Variants in LINS1 observed in about 807,000 individuals in gnomAD.
LINS1 encodes protein Lines homolog 1.
LINS1 carries 27 observed loss-of-function variants against 41.6 expected under a neutral mutation model. The observed-to-expected ratio is 0.65, with a 90% CI of 0.48 to 0.89. The LOEUF (loss-of-function observed/expected upper bound fraction) is 0.89. LINS1 is among the 40% of genes least tolerant of loss of function. The probability of loss-of-function intolerance (pLI) is 0.00; values close to 1 mark genes in which losing one functional copy is unlikely to be tolerated. For synonymous variants in LINS1, 336 were observed against 312.9 expected (o/e 1.07, Z -0.78); for missense variants, 955 against 884.1 (o/e 1.08, Z -1.02).
chr15:100,569,899 A>C lies in LINS1; in HGVS notation c.1613T>G (p.Phe538Cys). ...ATCAAAGTTATTGCAAATGGTGAAA[A>C]AATTATCCCAGTCCTTTTGCAGTAA... ...LKLLQKDWDN[F>C]FTICNNFDAT... Residue 538 changes from phenylalanine to cysteine, a missense_variant, in exon 7 of 7, where the codon TTT (phenylalanine) becomes TGT (cysteine). Coordinates refer to ENST00000314742, the MANE Select transcript of LINS1 (RefSeq NM_001040616.3). 6.2e-7 allele frequency: 1 copy of C among 1,612,478 alleles called. No homozygotes were observed. The highest frequency in any genetic ancestry group is 1.1e-5 in the South Asian group (1 of 90,772).
rs201677311 is a variant in LINS1 at position 100,571,941 on chromosome 15, C to T, written c.1347G>A (p.Met449Ile). 8.7e-6 allele frequency: 14 copies of T among 1,614,114 alleles called. 1 individual carries two copies. In the African/African-American group the frequency reaches 1.6e-4, roughly 18 times the overall value. ...CCAGTGATGCCTTGGCAGCCTCCAG[C>T]ATGTCATCGTCTTGTTCTATGAAAA... ...SRVFIEQDDD[M>I]LEAAKASLGI... The change falls in exon 6 of 7, where the codon ATG (methionine) becomes ATA (isoleucine). Residue 449 changes from methionine to isoleucine, a missense_variant. By Grantham distance (10) the Met-to-Ile change is conservative. Coordinates refer to ENST00000314742, the MANE Select transcript of LINS1 (RefSeq NM_001040616.3).
intron 1 of LINS1, among the ~76,000 whole-genome samples, chr15:100,593,569 G>T (rs917388428): frequency 1.5e-5 from 2 of 136,822 alleles, no homozygotes; most frequent in African/African-American, 5.2e-5. Context: ...TGGGGGGGGG[G>T]GGTGCTTAAT....
chr15:100,579,140 G>A (rs868151505), intron 3 of LINS1, among the ~76,000 whole-genome samples: 11 of 151,756 alleles, frequency 7.2e-5, no homozygotes, highest in South Asian at 4.2e-4. Context: ...AAACCTGCAC[G>A]TTGTGCACAT....
chr15:100,597,005 T>C (rs2039277909), intron 1 of LINS1: 1 of 152,216 alleles, frequency 6.6e-6, no homozygotes, highest in African/African-American at 2.4e-5. Context: ...GGAAACCCTC[T>C]CCTTTCATCA....
intron 1 of LINS1, among the ~76,000 whole-genome samples, chr15:100,583,050 T>C (rs1273949942): frequency 6.6e-6 from 1 of 151,978 alleles, no homozygotes; most frequent in Admixed American, 6.6e-5. Context: ...ACCAGCCTAG[T>C]CTTGGTCTTA....
chr15:100,572,025 TAAG>T lies in LINS1; in HGVS notation c.1260_1262del (p.Phe420del), dbSNP rs1225358973. 3 of 1,614,206 alleles carry T rather than the reference TAAG, an allele frequency of 1.9e-6. No individual in the cohort carries two copies. The highest frequency in any genetic ancestry group is 1.1e-5 in the South Asian group (1 of 91,080). On this transcript the variant is annotated inframe_deletion, in exon 6 of 7. Coordinates refer to ENST00000314742, the MANE Select transcript of LINS1 (RefSeq NM_001040616.3). ...GCAGAGAGGGCTGAAGATGAGGCTT[TAAG>T]AAGGTCAGTAACTCAGACATGAACC...
chr15:100,592,550 T>A (rs59876911), intron 1 of LINS1, among the ~76,000 whole-genome samples: 17,650 of 152,090 alleles, frequency 0.12, 1,212 homozygotes, highest in East Asian at 0.27. Flanking sequence ...AAAAATCACC[T>A]CATTAACATA....
chr15:100,600,688 G>A lies in LINS1; in HGVS notation c.-104+1433C>T, dbSNP rs186355656. Among the ~76,000 whole-genome samples the A allele has an allele frequency of 2.1e-3, 314 of 151,970 alleles. 1 individual carries two copies. The highest frequency in any genetic ancestry group is 3.9e-3 in the Non-Finnish European group (264 of 67,968). The stretch of plus-strand genomic sequence containing the variant: ...TCAGCTACTAATTTCAAGAAGAAAT[G>A]GAAATTTAGAAAGTTGAAATTATGA... On this transcript the variant is annotated intron_variant, in intron 1 of 6. Coordinates refer to ENST00000314742, the MANE Select transcript of LINS1 (RefSeq NM_001040616.3).
intron 3 of LINS1, among the ~76,000 whole-genome samples, chr15:100,575,922 C>A (rs1201636954): frequency 1.3e-5 from 2 of 152,214 alleles, no homozygotes; most frequent in African/African-American, 4.8e-5. Context: ...TCCTGAATGA[C>A]TACTGGGTAC....
intron 6 of LINS1, 38 bp from the exon 7 acceptor site, chr15:100,570,155 CT>C: frequency 6.8e-7 from 1 of 1,475,140 alleles, no homozygotes; most frequent in Non-Finnish European, 9.2e-7. Flanking sequence ...GATTAATGAC[CT>C]TACAAAAATA....
chr15:100,578,913 G>C (rs2141300390), intron 3 of LINS1, among the ~76,000 whole-genome samples: 2 of 152,014 alleles, frequency 1.3e-5, no homozygotes. Context: ...TTCTCAGCAA[G>C]CTATCACAAG....
At chr15:100,598,647 C>T (rs186668919) in intron 1 of LINS1, among the ~76,000 whole-genome samples, 22 of 152,326 alleles carry the variant, frequency 1.4e-4, no homozygotes, top group Admixed American at 1.3e-3. Context: ...TTTCTTTCGG[C>T]GTTCTTTTTG....
chr15:100,601,941 G>A (rs3794505), intron 1 of LINS1, among the ~76,000 whole-genome samples, 180 bp downstream of exon 1: 23,309 of 152,104 alleles, frequency 0.15, 2,253 homozygotes, highest in South Asian at 0.23. Flanking sequence ...ACCGACAGCC[G>A]CGCCAAGACC....
In LINS1 at chr15:100,589,781, T is replaced by C. The variant is rs907986896; in HGVS notation, c.-103-8836A>G. Reference sequence around the variant, plus strand: ...TTTAAGGGATTTTATTCAATTATTATTTTCAATGCATGTTTTCTGGTTATA... The same window carrying C: ...TTTAAGGGATTTTATTCAATTATTACTTTCAATGCATGTTTTCTGGTTATA... On this transcript the variant is annotated intron_variant, in intron 1 of 6. Transcript: ENST00000314742. Among the ~76,000 whole-genome samples, 11 of 152,366 alleles carry C rather than the reference T, an allele frequency of 7.2e-5. No individual in the cohort carries two copies. The South Asian group carries it at 2.3e-3, about 32-fold the overall frequency.
At chr15:100,597,491 A>G (rs926624761) in intron 1 of LINS1, among the ~76,000 whole-genome samples, 2 of 152,260 alleles carry the variant, frequency 1.3e-5, no homozygotes, top group African/African-American at 4.8e-5. Context: ...CTACATTTTG[A>G]GAACCACTGC....
rs2037617042 is a variant in LINS1 at position 100,568,049 on chromosome 15, C to T, written c.*1189G>A. ...TTCGCAGCACAATATAGCTATTGCT[C>T]CTATTACACAAACATATTACAATGG... On this transcript the variant is annotated 3_prime_UTR_variant, in exon 7 of 7. Coordinates refer to ENST00000314742, the MANE Select transcript of LINS1 (RefSeq NM_001040616.3). The T allele has an allele frequency of 6.6e-6, 1 of 152,020 alleles. No homozygotes were observed. The allele number at this position is 152,020 out of a possible 1,614,324, so 9.4% of individuals were successfully genotyped here. A position where few individuals can be genotyped will look rare whatever the true frequency, so the allele number is the denominator to read the frequency against.
intron 1 of LINS1, among the ~76,000 whole-genome samples, chr15:100,601,900 T>C (rs990202344): frequency 3.9e-5 from 6 of 152,140 alleles, no homozygotes; most frequent in African/African-American, 1.4e-4. Context: ...GGCGAGGCAT[T>C]GCCAGCCTGG....
At chr15:100,596,057 C>T (rs1225772136) in intron 1 of LINS1, among the ~76,000 whole-genome samples, 1 of 152,224 alleles carries the variant, frequency 6.6e-6, no homozygotes, top group African/African-American at 2.4e-5. Flanking sequence ...CTTCACTCTC[C>T]TCTGTGCCCC....
chr15:100,585,101 A>G (rs544105391), intron 1 of LINS1, among the ~76,000 whole-genome samples: 1 of 152,350 alleles, frequency 6.6e-6, no homozygotes, highest in African/African-American at 2.4e-5. Flanking sequence ...GATTACACCC[A>G]GGTACCAAAG....
Sources: allele counts gnomAD v4.1 joint callset (sites outside exome capture counted in the v4.1 genomes callset), GRCh38; gene constraint gnomAD v4.1.1; transcripts MANE v1.5; gene names NCBI Gene and HGNC (gene_info 2026-07-23, HGNC 2026-07-21).